The following UBR1 variants were observed in gnomAD, a reference collection of about 807,000 sequenced individuals.
UBR1 encodes the protein E3 ubiquitin-protein ligase UBR1.
Under a neutral mutation model 242.1 loss-of-function variants are expected in UBR1, and 102 were observed. That is an observed-to-expected ratio of 0.42 (90% CI 0.36 to 0.50). UBR1 has a LOEUF of 0.50. Among genes scored for constraint, UBR1 ranks in the 20% least tolerant of loss-of-function variants. The probability of loss-of-function intolerance (pLI) is 0.01; values close to 1 mark genes in which losing one functional copy is unlikely to be tolerated. For synonymous variants in UBR1, 675 were observed against 684.8 expected (o/e 0.99, Z 0.22); for missense variants, 1,772 against 2,101.8 (o/e 0.84, Z 3.07).
At chr15:43,045,526 T>C (rs1024891233) in intron 14 of UBR1, among the ~76,000 whole-genome samples, 2 of 152,066 alleles carry the variant, frequency 1.3e-5, no homozygotes, top group East Asian at 1.9e-4. Flanking sequence ...TAAACAGGAA[T>C]GTCTGGCCCA....
chr15:42,987,753 T>C (rs1439287353), intron 35 of UBR1, among the ~76,000 whole-genome samples: 2 of 150,414 alleles, frequency 1.3e-5, no homozygotes, highest in African/African-American at 4.9e-5. Context: ...TTCATGCTAC[T>C]TAATTCAAAT....
At chr15:42,982,446 C>CT in intron 37 of UBR1, among the ~76,000 whole-genome samples, 2 of 152,132 alleles carry the variant, frequency 1.3e-5, no homozygotes, top group Non-Finnish European at 2.9e-5. Context: ...GAAGGGAAAA[C>CT]TTTTAAGTGT....
chr15:42,983,667 A>ATAATAATAG (rs1368137440), intron 37 of UBR1, among the ~76,000 whole-genome samples: 2 of 140,736 alleles, frequency 1.4e-5, no homozygotes, highest in Non-Finnish European at 3.0e-5. Flanking sequence ...CTCCCACTCA[A>ATAATAATAG]TAATAATAAT....
At chr15:43,100,632 C>T (rs181813658) in intron 1 of UBR1, among the ~76,000 whole-genome samples, 220 of 152,116 alleles carry the variant, frequency 1.4e-3, no homozygotes, top group African/African-American at 5.2e-3. Context: ...GTCAAGAGAT[C>T]GAGACCATCC....
At chr15:43,024,300 T>C (rs1330589878) in intron 25 of UBR1, among the ~76,000 whole-genome samples, 1 of 152,236 alleles carries the variant, frequency 6.6e-6, no homozygotes. Context: ...AATATGGTGT[T>C]ACAACTACCA....
chr15:43,101,717 A>G (rs1327968637), intron 1 of UBR1, among the ~76,000 whole-genome samples: 1 of 152,028 alleles, frequency 6.6e-6, no homozygotes, highest in Non-Finnish European at 1.5e-5. Flanking sequence ...CTATAATCCC[A>G]GCAATTTGGG....
chr15:43,013,892 T>C (rs1200557694), intron 29 of UBR1, among the ~76,000 whole-genome samples: 1 of 148,338 alleles, frequency 6.7e-6, no homozygotes, highest in African/African-American at 2.5e-5. Context: ...CCCCACGGTC[T>C]CCCTCTCCCT....
At chr15:43,007,553 A>C (rs1343385339) in intron 29 of UBR1, among the ~76,000 whole-genome samples, 2 of 151,560 alleles carry the variant, frequency 1.3e-5, no homozygotes, top group Admixed American at 1.3e-4. Flanking sequence ...TACTATACCA[A>C]TAAGCTGGGC....
chr15:43,002,466 C>A (rs2032741194), intron 32 of UBR1, 89 bp downstream of exon 32: 1 of 1,439,244 alleles, frequency 6.9e-7, no homozygotes, highest in Non-Finnish European at 9.6e-7. Context: ...GGCAATCCGC[C>A]CATCTCAGTC....
intron 29 of UBR1, among the ~76,000 whole-genome samples, chr15:43,014,880 TG>T (rs1268519575): frequency 7.7e-6 from 1 of 130,424 alleles, no homozygotes; most frequent in East Asian, 2.3e-4. Context: ...CAGAGGGAGG[TG>T]GGGGGTCAGC....
At chr15:43,049,697 A>G (rs2033530269) in intron 12 of UBR1, among the ~76,000 whole-genome samples, 1 of 152,236 alleles carries the variant, frequency 6.6e-6, no homozygotes, top group Admixed American at 6.5e-5. Context: ...TAAAAATACA[A>G]TCATCAAAGA....
chr15:43,032,688 C>T, intron 19 of UBR1, 57 bp from the exon 20 acceptor site: 1 of 1,094,152 alleles, frequency 9.1e-7, no homozygotes, highest in South Asian at 1.3e-5. Flanking sequence ...CTCCATAAAA[C>T]ATGCATTTCT....
intron 37 of UBR1, among the ~76,000 whole-genome samples, chr15:42,981,053 C>T (rs1993813): frequency 0.79 from 120,515 of 151,968 alleles, 49,045 homozygotes; most frequent in Non-Finnish European, 0.89. Flanking sequence ...CCCACCCCAA[C>T]GTCTTCCCTA....
At chr15:42,956,411 C>T (rs2031921729) in intron 44 of UBR1, among the ~76,000 whole-genome samples, 1 of 152,196 alleles carries the variant, frequency 6.6e-6, no homozygotes, top group East Asian at 1.9e-4. Context: ...CTTCTGCCTC[C>T]TGGGTTCAAG....
intron 3 of UBR1, among the ~76,000 whole-genome samples, chr15:43,076,672 C>G (rs1387694767): frequency 1.4e-5 from 2 of 143,134 alleles, no homozygotes; most frequent in African/African-American, 5.1e-5. Context: ...GCCTGGCAAC[C>G]GCCCCGTCTG....
chr15:43,015,487 C>T (rs28592140), intron 29 of UBR1, among the ~76,000 whole-genome samples: 3,664 of 152,158 alleles, frequency 0.024, 81 homozygotes, highest in South Asian at 0.065. Flanking sequence ...TCTCAAGTAC[C>T]CAGGGTCACA....
At chr15:43,003,087 C>A (rs1040779705) in intron 31 of UBR1, among the ~76,000 whole-genome samples, 1 of 152,132 alleles carries the variant, frequency 6.6e-6, no homozygotes, top group Non-Finnish European at 1.5e-5. Flanking sequence ...AAACTCTACA[C>A]AAAAGATTTC....
intron 15 of UBR1, among the ~76,000 whole-genome samples, chr15:43,042,701 T>C (rs1461859917): frequency 1.3e-5 from 2 of 152,098 alleles, no homozygotes; most frequent in Non-Finnish European, 2.9e-5. Context: ...ATGGCTAAAA[T>C]GATAAGCTTT....
At chr15:42,949,444 A>AT (rs1297032454) in intron 46 of UBR1, among the ~76,000 whole-genome samples, 6 of 95,110 alleles carry the variant, frequency 6.3e-5, no homozygotes, top group Non-Finnish European at 1.2e-4. Context: ...ATAAAATAAA[A>AT]TAAAAAAAAA....
Sources: gnomAD v4.1 joint callset for allele counts (sites outside exome capture counted in the v4.1 genomes callset) on GRCh38, gnomAD v4.1.1 for gene constraint, MANE v1.5 for transcripts, NCBI Gene and HGNC (gene_info 2026-07-23, HGNC 2026-07-21) for gene names.